AJAP1: variants seen among roughly 807,000 people sequenced by gnomAD.
AJAP1 encodes the protein adherens junctions associated protein 1, also known as adherens junction-associated protein 1.
In AJAP1, 5 loss-of-function variants were observed where a neutral mutation model predicts 35.0. The observed-to-expected ratio is 0.14, with a 90% CI of 0.07 to 0.30. The LOEUF (loss-of-function observed/expected upper bound fraction) is 0.30, where lower values mean the gene tolerates loss of function less well. Ranked by LOEUF, AJAP1 falls within the 10% of genes least tolerant of loss-of-function variation. AJAP1 has a pLI of 1.00. For synonymous variants in AJAP1, 284 were observed against 249.3 expected (o/e 1.14, Z -1.31); for missense variants, 586 against 571.0 (o/e 1.03, Z -0.27).
rs986621151 is a variant in AJAP1, at chr1:4,672,012, C to T, written c.29+16558C>T. Among the ~76,000 whole-genome samples, 9 of 152,322 alleles carry T rather than the reference C, an allele frequency of 5.9e-5. No homozygotes were observed. The South Asian group carries it at 6.2e-4, about 11-fold the overall frequency. ...CAGACCCTCACCCACCATCCCGGGG[C>T]GCCTATCAGCCTGGGCGCAGTCGCG... On this transcript the variant is annotated intron_variant, in intron 1 of 5. Transcript: ENST00000378191.
At chr1:4,662,837 G>A (rs989394366) in intron 1 of AJAP1, among the ~76,000 whole-genome samples, 2 of 152,234 alleles carry the variant, frequency 1.3e-5, no homozygotes, top group Admixed American at 6.5e-5. Context: ...GTTTTGGTTC[G>A]ATGGAGAACA....
intron 1 of AJAP1, among the ~76,000 whole-genome samples, chr1:4,658,246 C>A (rs1271812823): frequency 6.6e-6 from 1 of 152,206 alleles, no homozygotes; most frequent in African/African-American, 2.4e-5. Context: ...TCCCTGCGGC[C>A]ATCCCATCTG....
rs980260228 is a variant in AJAP1 at position 4,720,900 on chromosome 1, G to C, written c.829+8201G>C. On this transcript the variant is annotated intron_variant, in intron 2 of 5. Transcript: ENST00000378191. The surrounding 1 kb of genome is among the most constrained non-coding windows in gnomAD (Gnocchi z 4.4). The stretch of plus-strand genomic sequence containing the variant: ...CACTGTGGTGGTCAGACCTACCTCA[G>C]GAAGCCCTCAGCCTGGCTCCCTTAA... Among the ~76,000 whole-genome samples the C allele has an allele frequency of 2.0e-5, 3 of 152,278 alleles. No individual in the cohort carries two copies. Among genetic ancestry groups the C allele is most frequent in the Middle Eastern group, 3.4e-3 (1 of 294 alleles).
At chr1:4,709,574 A>G (rs1029842522) in intron 1 of AJAP1, among the ~76,000 whole-genome samples, 20 of 152,174 alleles carry the variant, frequency 1.3e-4, no homozygotes, top group Admixed American at 5.2e-4. Flanking sequence ...TCTGCAGGTC[A>G]TGGGAGAATT....
At chr1:4,714,317 G>T (rs183548868) in intron 2 of AJAP1, among the ~76,000 whole-genome samples, 1 of 152,174 alleles carries the variant, frequency 6.6e-6, no homozygotes, top group Non-Finnish European at 1.5e-5. Flanking sequence ...CGGACATGCG[G>T]GGTCTGCAGC....
intron 2 of AJAP1, among the ~76,000 whole-genome samples, chr1:4,748,437 T>C (rs1451188811): frequency 6.6e-6 from 1 of 152,060 alleles, no homozygotes; most frequent in Non-Finnish European, 1.5e-5. Context: ...GTCACGACGT[T>C]GTGGTCCTCA....
chr1:4,763,176 A>G (rs1276115399), intron 2 of AJAP1, among the ~76,000 whole-genome samples: 1 of 152,174 alleles, frequency 6.6e-6, no homozygotes, highest in Non-Finnish European at 1.5e-5. Context: ...TAGATGCAGA[A>G]CCACTCCCAC....
chr1:4,759,950 A>T (rs1641526169), intron 2 of AJAP1, among the ~76,000 whole-genome samples: 1 of 152,108 alleles, frequency 6.6e-6, no homozygotes, highest in Non-Finnish European at 1.5e-5. Context: ...CCCTGGCCAT[A>T]GGGTGTCTCT....
intron 3 of AJAP1, 85 bp downstream of exon 3, chr1:4,770,025 C>G: frequency 8.3e-7 from 1 of 1,201,224 alleles, no homozygotes; most frequent in Non-Finnish European, 1.2e-6. Flanking sequence ...CCCTACTTTT[C>G]AAAGCCAGCC....
intron 1 of AJAP1, among the ~76,000 whole-genome samples, chr1:4,682,389 C>T (rs1639503334): frequency 6.6e-6 from 1 of 152,200 alleles, no homozygotes; most frequent in South Asian, 2.1e-4. Flanking sequence ...CATGCTTGGG[C>T]CCCACTTCCA....
At chr1:4,747,991 C>CA (rs70955801) in intron 2 of AJAP1, among the ~76,000 whole-genome samples, 69,179 of 135,662 alleles carry the variant, frequency 0.51, 17,649 homozygotes, top group Admixed American at 0.56. Flanking sequence ...GACTCTGTCT[C>CA]AAAAAAAAAA....
Position 4,656,049 on chromosome 1 carries a change from G to T in AJAP1, c.29+595G>T, listed in dbSNP as rs1206506230. On this transcript the variant is annotated intron_variant, in intron 1 of 5. Transcript: ENST00000378191. The surrounding 1 kb of genome is among the most constrained non-coding windows in gnomAD (Gnocchi z 5.7). ...GGCCCGACGGGCGCTCACAGCTGGC[G>T]GGCAGCTGGGGCGGGAGAGCTGGGG... 1.3e-5 allele frequency among the ~76,000 whole-genome samples: 2 copies of T among 152,012 alleles called. No homozygotes were observed. Among genetic ancestry groups the T allele is most frequent in the Non-Finnish European group, 2.9e-5 (2 of 67,986 alleles).
At chr1:4,707,417 A>C (rs1019640040) in intron 1 of AJAP1, among the ~76,000 whole-genome samples, 9 of 150,976 alleles carry the variant, frequency 6.0e-5, no homozygotes, top group African/African-American at 2.2e-4. Flanking sequence ...CCCCTACCCC[A>C]TTACCCCTTC....
chr1:4,733,816 C>T (rs1296452844), intron 2 of AJAP1, among the ~76,000 whole-genome samples: 2 of 152,098 alleles, frequency 1.3e-5, no homozygotes, highest in Non-Finnish European at 2.9e-5. Flanking sequence ...AAAATTCTGG[C>T]ATTGTGAGCT....
chr1:4,761,305 G>C (rs1243256388), intron 2 of AJAP1, among the ~76,000 whole-genome samples: 1 of 152,184 alleles, frequency 6.6e-6, no homozygotes, highest in Non-Finnish European at 1.5e-5. Flanking sequence ...GGGTGGCATG[G>C]GGTCTTTCTA....
rs546291088 is a variant in AJAP1 at position 4,772,361 on chromosome 1, G to A, written c.999G>A (p.Thr333=). 12 of 1,614,212 alleles carry A rather than the reference G, an allele frequency of 7.4e-6. No individual in the cohort carries two copies. The highest frequency in any genetic ancestry group is 6.6e-5 in the South Asian group (6 of 91,082). Residue 333 remains threonine, a synonymous_variant, in exon 4 of 6, where the codon ACG becomes ACA. Coordinates refer to ENST00000378191, the MANE Select transcript of AJAP1 (RefSeq NM_018836.4). ...NQQEESCQNL[T]DFPSARVPSS... Reference sequence around the variant, plus strand: ...AGGAGGAGAGCTGCCAGAACCTCACGGACTTCCCCTCGGCCCGGGTGCCCA... The same window carrying A: ...AGGAGGAGAGCTGCCAGAACCTCACAGACTTCCCCTCGGCCCGGGTGCCCA...
chr1:4,768,230 A>G (rs114965801), intron 2 of AJAP1, among the ~76,000 whole-genome samples: 2,195 of 152,346 alleles, frequency 0.014, 46 homozygotes, highest in African/African-American at 0.04. Context: ...CTGCAGGCGC[A>G]CAGTAGGTGC....
chr1:4,691,172 T>G (rs1639730431), intron 1 of AJAP1, among the ~76,000 whole-genome samples: 1 of 151,954 alleles, frequency 6.6e-6, no homozygotes, highest in African/African-American at 2.4e-5. Context: ...GAGCCCAGAG[T>G]CCCCATCAGG....
chr1:4,753,895 T>C (rs72639909), intron 2 of AJAP1, among the ~76,000 whole-genome samples: 12,482 of 152,296 alleles, frequency 0.082, 556 homozygotes, highest in Middle Eastern at 0.12. Context: ...AAAGGTGGTG[T>C]CTGATAACTC....
Sources: allele counts gnomAD v4.1 joint callset (sites outside exome capture counted in the v4.1 genomes callset), GRCh38; gene constraint gnomAD v4.1.1; non-coding constraint Gnocchi (gnomAD v3.1); transcripts MANE v1.5; gene names NCBI Gene and HGNC (gene_info 2026-07-23, HGNC 2026-07-21).